The following CPHXL variants were observed in gnomAD, a reference collection of about 807,000 sequenced individuals.
The protein encoded by CPHXL is cytoplasmic polyadenylated homeobox like.
At chr16:75,718,553 C>A (rs1037088296) in intron 1 of CPHXL, 95 bp from the exon 2 acceptor site, 5 of 396,198 alleles carry the variant, frequency 1.3e-5, no homozygotes, top group African/African-American at 1.0e-4. Context: ...CCATAGATTC[C>A]CTCCCCTTCC....
At chr16:75,725,473 G>A (rs1436596739) in intron 1 of CPHXL, among the ~76,000 whole-genome samples, 2 of 144,860 alleles carry the variant, frequency 1.4e-5, no homozygotes, top group Non-Finnish European at 3.0e-5. Flanking sequence ...TTTTTTTTGA[G>A]ACGGACTCTC....
At chr16:75,718,616 A>C (rs1008857727) in intron 1 of CPHXL, among the ~76,000 whole-genome samples, 158 bp from the exon 2 acceptor site, 17 of 152,208 alleles carry the variant, frequency 1.1e-4, no homozygotes, top group African/African-American at 3.9e-4. Context: ...TAAAATTACA[A>C]ATGAAAGCAG....
chr16:75,723,989 T>C (rs1404954777), intron 1 of CPHXL, among the ~76,000 whole-genome samples: 4 of 152,218 alleles, frequency 2.6e-5, no homozygotes, highest in Admixed American at 2.6e-4. Context: ...AACCATCTGA[T>C]CTTTGACAAA....
At chr16:75,715,945 G>A (rs1391349822) in intron 2 of CPHXL, among the ~76,000 whole-genome samples, 3 of 151,920 alleles carry the variant, frequency 2.0e-5, no homozygotes, top group East Asian at 1.9e-4. Context: ...TGATCTGCCC[G>A]CCTCAGCCTC....
intron 1 of CPHXL, among the ~76,000 whole-genome samples, chr16:75,722,490 A>C (rs1959492084): frequency 2.0e-5 from 3 of 152,222 alleles, no homozygotes; most frequent in African/African-American, 7.2e-5. Context: ...CTACACAAGT[A>C]AACTAGAAAA....
At chr16:75,722,900 C>A (rs141857859) in intron 1 of CPHXL, among the ~76,000 whole-genome samples, 1 of 152,180 alleles carries the variant, frequency 6.6e-6, no homozygotes, top group Non-Finnish European at 1.5e-5. Flanking sequence ...AGCTCATCCA[C>A]CATGATCAAG....
In CPHXL at chr16:75,714,596, G is replaced by A. The variant is rs962030817; in HGVS notation, c.846C>T (p.Tyr282=). ...SQHASPFLLD[Y]AQGAYGVKKD... ...TCTTCACCCCATATGCACCTTGAGCGTAATCCAAAAGGAAAGGACTTGCAT... is the reference window on the plus strand; with the variant it reads ...TCTTCACCCCATATGCACCTTGAGCATAATCCAAAAGGAAAGGACTTGCAT... Residue 282 remains tyrosine (Y), a synonymous_variant, in exon 3 of 3, where the codon TAC becomes TAT. Coordinates refer to ENST00000640559, the MANE Select transcript of CPHXL (RefSeq NM_001355613.1). 25 of 398,626 alleles carry A rather than the reference G, an allele frequency of 6.3e-5. No individual in the cohort carries two copies. Among genetic ancestry groups the A allele is most frequent in the African/African-American group, 1.0e-4 (5 of 48,736 alleles). The allele number at this position is 398,626 out of a possible 1,614,324, so 24.7% of individuals were successfully genotyped here. A position where few individuals can be genotyped will look rare whatever the true frequency, so the allele number is the denominator to read the frequency against.
chr16:75,720,204 C>T (rs1959455309), intron 1 of CPHXL, among the ~76,000 whole-genome samples: 1 of 152,194 alleles, frequency 6.6e-6, no homozygotes, highest in African/African-American at 2.4e-5. Context: ...GCCTCTCCTC[C>T]TCCAAAGGAA....
chr16:75,718,124 G>A (rs560618287), intron 2 of CPHXL, 141 bp downstream of exon 2: 3 of 387,722 alleles, frequency 7.7e-6, no homozygotes, highest in Admixed American at 9.0e-5. Context: ...GGACTGAGGT[G>A]GGGGAATCAC....
intron 1 of CPHXL, among the ~76,000 whole-genome samples, chr16:75,721,512 T>C (rs1317217834): frequency 2.0e-5 from 3 of 152,116 alleles, no homozygotes; most frequent in Non-Finnish European, 4.4e-5. Flanking sequence ...AAGAAGGCCA[T>C]TACATAATGG....
intron 1 of CPHXL, among the ~76,000 whole-genome samples, chr16:75,722,895 A>G (rs1414204201): frequency 6.6e-6 from 1 of 152,174 alleles, no homozygotes; most frequent in East Asian, 1.9e-4. Context: ...GAAAAAGCTC[A>G]TCCACCATGA....
chr16:75,726,342 G>A (rs1410982658), intron 1 of CPHXL, 76 bp downstream of exon 1: 1 of 398,384 alleles, frequency 2.5e-6, no homozygotes. Context: ...CTGTGTTTGT[G>A]CTTTAAACTT....
At chr16:75,724,138 C>G (rs1224592441) in intron 1 of CPHXL, among the ~76,000 whole-genome samples, 1 of 152,156 alleles carries the variant, frequency 6.6e-6, no homozygotes, top group East Asian at 1.9e-4. Context: ...ATGGATTAAA[C>G]ACTTAAATGT....
intron 1 of CPHXL, among the ~76,000 whole-genome samples, chr16:75,719,733 T>A (rs1439792019): frequency 1.3e-5 from 2 of 152,184 alleles, no homozygotes; most frequent in Non-Finnish European, 2.9e-5. Context: ...AATGTCCCTG[T>A]CTGACAGCTT....
chr16:75,722,448 C>A (rs1435052335), intron 1 of CPHXL, among the ~76,000 whole-genome samples: 1 of 152,138 alleles, frequency 6.6e-6, no homozygotes, highest in Non-Finnish European at 1.5e-5. Context: ...CACAGAAATA[C>A]AAACTACCAT....
chr16:75,715,683 T>G lies in CPHXL; in HGVS notation c.220-461A>C, dbSNP rs943100417. 4.6e-5 allele frequency among the ~76,000 whole-genome samples: 7 copies of G among 152,246 alleles called. No individual in the cohort carries two copies. In the East Asian group the frequency reaches 5.8e-4, roughly 13 times the overall value. On this transcript the variant is annotated intron_variant, in intron 2 of 2. Coordinates refer to ENST00000640559, the MANE Select transcript of CPHXL (RefSeq NM_001355613.1). ...AGTGGTGTATTTTCTGACATACACA[T>G]TTCTGTTCCTTTTCTTCACTTTTTT...
In CPHXL at chr16:75,726,409, G is replaced by T. The variant is rs1220784101; in HGVS notation, c.25+9C>A. 11 of 398,444 alleles carry T rather than the reference G, an allele frequency of 2.8e-5. No individual in the cohort carries two copies. Among genetic ancestry groups the T allele is most frequent in the Non-Finnish European group, 4.9e-5 (11 of 226,068 alleles). The allele number at this position is 398,444 out of a possible 1,614,324, so 24.7% of individuals were successfully genotyped here. A position where few individuals can be genotyped will look rare whatever the true frequency, so the allele number is the denominator to read the frequency against. On this transcript the variant is annotated intron_variant, in intron 1 of 2. Transcript: ENST00000640559. Reference sequence around the variant, plus strand: ...AGCATTGTAAGAGAAAAAGCTGATGGGAACTTACCACCTGAAGTGCCGTCC... The same window carrying T: ...AGCATTGTAAGAGAAAAAGCTGATGTGAACTTACCACCTGAAGTGCCGTCC...
chr16:75,718,736 C>A (rs1597220377), intron 1 of CPHXL, among the ~76,000 whole-genome samples: 1 of 152,202 alleles, frequency 6.6e-6, no homozygotes, highest in Non-Finnish European at 1.5e-5. Flanking sequence ...TTGCCTATGG[C>A]TGTTTTCAAG....
At chr16:75,726,162 A>G (rs1959556500) in intron 1 of CPHXL, among the ~76,000 whole-genome samples, 1 of 152,186 alleles carries the variant, frequency 6.6e-6, no homozygotes, top group Admixed American at 6.5e-5. Context: ...TAGGTAGTTC[A>G]TACATTCTTT....
Sources: gnomAD v4.1 joint callset for allele counts (sites outside exome capture counted in the v4.1 genomes callset) on GRCh38, gnomAD v4.1.1 for gene constraint, MANE v1.5 for transcripts, NCBI Gene and HGNC (gene_info 2026-07-23, HGNC 2026-07-21) for gene names.